The following SEBOX variants were observed in gnomAD, a reference collection of about 807,000 sequenced individuals.
SEBOX encodes the protein homeobox protein SEBOX.
A neutral mutation model predicts 7.8 loss-of-function variants in SEBOX; 10 were observed. The ratio of observed to expected loss-of-function variants is 1.28; its 90% CI spans 0.79 to 2.17. The LOEUF (loss-of-function observed/expected upper bound fraction) is 2.17, where lower values mean the gene tolerates loss of function less well. Ranked by LOEUF, SEBOX falls within the 30% of genes most tolerant of loss-of-function variation. The pLI, the probability that SEBOX is intolerant of heterozygous loss-of-function variation, is 0.00. For synonymous variants in SEBOX, 98 were observed against 91.5 expected, an observed-to-expected ratio of 1.07 and a Z score of -0.40; for missense variants, 240 against 239.5, an observed-to-expected ratio of 1.00 and a Z score of -0.01.
rs1037470487 is a variant in SEBOX at position 28,363,672 on chromosome 17, A to G, written c.*596T>C. 6.6e-6 allele frequency: 1 copy of G among 152,226 alleles called. No homozygotes were observed. The allele number at this position is 152,226 out of a possible 1,614,324, so 9.4% of individuals were successfully genotyped here. On this transcript the variant is annotated 3_prime_UTR_variant, in exon 3 of 3. Transcript: ENST00000536498. ...TCTGATCTTTGTGAAAATTAAATCA[A>G]CATAAGCCCCAGCTTCCTATCTTTG...
At position 28,364,461 on chromosome 17, in the gene SEBOX, T is replaced by C; in HGVS notation, c.380A>G (p.His127Arg). Residue 127 changes from histidine to arginine, a missense_variant, in exon 3 of 3, where the codon CAT becomes CGT. Coordinates refer to ENST00000536498, the MANE Select transcript of SEBOX (RefSeq NM_001080837.4). ...CAAGCCAGGAGCTGGACAGGAGCTA[T>C]GTCGACACACTGAGGTGCGCTGAGG... is the stretch of plus-strand genomic sequence containing the variant. ...GTPQRTSVCR[H>R]SSCPAPGLSP... 2 of 1,605,526 alleles carry C rather than the reference T, an allele frequency of 1.2e-6. No homozygotes were observed. The highest frequency in any genetic ancestry group is 1.1e-5 in the South Asian group (1 of 90,478).
chr17:28,364,680 C>T (rs1555582741), intron 2 of SEBOX, 32 bp from the exon 3 acceptor site: 5 of 1,566,510 alleles, frequency 3.2e-6, no homozygotes, highest in Non-Finnish European at 4.3e-6. Flanking sequence ...TCTGTTCTGG[C>T]CCCAGCATCC....
Position 28,365,062 on chromosome 17 carries a change from G to A in SEBOX, c.31+59C>T, listed in dbSNP as rs143654577. ...TCCCTACTCCCACCCCTCTCCAACC[G>A]TCCTCATCCTACCATGGCCTGCGTT... On this transcript the variant is annotated intron_variant, in intron 1 of 2. Coordinates refer to ENST00000536498, the MANE Select transcript of SEBOX (RefSeq NM_001080837.4). 3.9e-4 allele frequency: 617 copies of A among 1,578,802 alleles called. 2 individuals are homozygous for A. In the East Asian group the frequency reaches 0.01, roughly 26 times the overall value.
In SEBOX at chr17:28,364,255, T is replaced by G; in HGVS notation, c.*13A>C. On this transcript the variant is annotated 3_prime_UTR_variant, in exon 3 of 3. Coordinates refer to ENST00000536498, the MANE Select transcript of SEBOX (RefSeq NM_001080837.4). ...GGAGTCAGAGGAGGGGCCTTGCAAG[T>G]TCTGGACAAAGACTAGGAGTGGTCC... 1 of 1,594,582 alleles carries G rather than the reference T, an allele frequency of 6.3e-7. No homozygotes were observed.
rs782040148 is a variant in SEBOX at position 28,364,785 on chromosome 17, C to T, written c.192+10G>A. ...AGATGTTGGCTGTGTGAGAAGGGGT[C>T]ACAGCTCACCTGTACCTTGGCCTCA... On this transcript the variant is annotated intron_variant, in intron 2 of 2. Transcript: ENST00000536498. 1 of 1,613,628 alleles carries T rather than the reference C, an allele frequency of 6.2e-7. No homozygotes were observed. Among genetic ancestry groups the T allele is most frequent in the Non-Finnish European group, 8.5e-7 (1 of 1,179,732 alleles).
At position 28,364,470 on chromosome 17, in the gene SEBOX, A is replaced by G. The variant is rs200460971; in HGVS notation, c.371T>C (p.Val124Ala). 1.2e-6 allele frequency: 2 copies of G among 1,604,988 alleles called. No individual in the cohort carries two copies. Among genetic ancestry groups the G allele is most frequent in the African/African-American group, 2.7e-5 (2 of 74,742 alleles). The change falls in exon 3 of 3, where the codon GTG becomes GCG. Residue 124 changes from valine to alanine, a missense_variant. By Grantham distance (64) the Val-to-Ala change is moderately conservative. Transcript: ENST00000536498. ...PSSGTPQRTS[V>A]CRHSSCPAPG... ...AGCTGGACAGGAGCTATGTCGACACACTGAGGTGCGCTGAGGTGTGCCGCT... is the reference window on the plus strand; with the variant it reads ...AGCTGGACAGGAGCTATGTCGACACGCTGAGGTGCGCTGAGGTGTGCCGCT...
chr17:28,364,757 C>G (rs2067894439), intron 2 of SEBOX, 38 bp downstream of exon 2: 2 of 1,611,610 alleles, frequency 1.2e-6, no homozygotes, highest in African/African-American at 2.7e-5. Context: ...GTGGGCCAAG[C>G]CTAGATGTTG....
At position 28,364,350 on chromosome 17, in the gene SEBOX, C is replaced by T. The variant is rs367726402; in HGVS notation, c.491G>A (p.Arg164Gln). ...GCCTAGTGAAGTCTGGGGAGTAGCTCGCTCTAAAGAAGGGTGGACCTCTGA... is the reference window on the plus strand; with the variant it reads ...GCCTAGTGAAGTCTGGGGAGTAGCTTGCTCTAAAGAAGGGTGGACCTCTGA... Reference protein sequence around the residue: ...GASEVHPSLERATPQTSLGSL... With the variant: ...GASEVHPSLEQATPQTSLGSL... Residue 164 changes from arginine (R) to glutamine (Q), a missense_variant, in exon 3 of 3, where the codon CGA becomes CAA. By Grantham distance (43) the Arg-to-Gln change is conservative (BLOSUM62 1). Coordinates refer to ENST00000536498, the MANE Select transcript of SEBOX (RefSeq NM_001080837.4). The T allele has an allele frequency of 6.9e-6, 11 of 1,598,416 alleles. No homozygotes were observed. In the African/African-American group the frequency reaches 1.2e-4, roughly 17 times the overall value.
chr17:28,364,460 ATG>A lies in SEBOX; in HGVS notation c.379_380del (p.His127Ter). The A allele has an allele frequency of 6.2e-7, 1 of 1,605,190 alleles. No homozygotes were observed. Among genetic ancestry groups the A allele is most frequent in the Non-Finnish European group, 8.5e-7 (1 of 1,175,342 alleles). On this transcript the variant is annotated frameshift_variant, in exon 3 of 3. Transcript: ENST00000536498. LOFTEE classifies it low-confidence loss of function (END_TRUNC). Reference protein sequence around the residue: ...GTPQRTSVCRHSSCPAPGLSP... With the variant: ...GTPQRTSVCRXSSCPAPGLSP... Reference sequence around the variant, plus strand: ...TCAAGCCAGGAGCTGGACAGGAGCTATGTCGACACACTGAGGTGCGCTGAGGT... The same window carrying A: ...TCAAGCCAGGAGCTGGACAGGAGCTATCGACACACTGAGGTGCGCTGAGGT...
Position 28,365,133 on chromosome 17 carries a change from C to G in SEBOX, c.19G>C (p.Ala7Pro). The change falls in exon 1 of 3, where the codon GCA (alanine) becomes CCA (proline). Residue 7 changes from alanine (A) to proline (P), a missense_variant. By Grantham distance (27) the Ala-to-Pro change is conservative. Coordinates refer to ENST00000536498, the MANE Select transcript of SEBOX (RefSeq NM_001080837.4). ...CCCATCAGATCACCTGCTGAGGATG[C>G]ATCCACAGGGCTGGGCATGGAGCTG... Reference protein sequence around the residue: MPSPVDASSADGGSGLG... With the variant: MPSPVDPSSADGGSGLG... The G allele has an allele frequency of 6.2e-7, 1 of 1,609,394 alleles. No individual in the cohort carries two copies. The highest frequency in any genetic ancestry group is 1.1e-5 in the South Asian group (1 of 90,050).
Position 28,364,778 on chromosome 17 carries a change from A to C in SEBOX, c.192+17T>G. 4 of 1,613,404 alleles carry C rather than the reference A, an allele frequency of 2.5e-6. No individual in the cohort carries two copies. Among genetic ancestry groups the C allele is most frequent in the Non-Finnish European group, 3.4e-6 (4 of 1,179,596 alleles). ...CAAGCCTAGATGTTGGCTGTGTGAG[A>C]AGGGGTCACAGCTCACCTGTACCTT... On this transcript the variant is annotated intron_variant, in intron 2 of 2. Transcript: ENST00000536498.
intron 1 of SEBOX, 82 bp from the exon 2 acceptor site, chr17:28,365,037 T>C: frequency 6.4e-7 from 1 of 1,573,684 alleles, no homozygotes; most frequent in Non-Finnish European, 8.6e-7. Flanking sequence ...AACCCCGAAG[T>C]CCCTACTCCC....
At chr17:28,364,992 G>T (rs782131829) in intron 1 of SEBOX, 37 bp from the exon 2 acceptor site, 1 of 1,593,598 alleles carries the variant, frequency 6.3e-7, no homozygotes, top group Non-Finnish European at 8.5e-7. Flanking sequence ...GGGACTCCCT[G>T]CAAGAGCCTC....
rs782522084 is a variant in SEBOX, at chr17:28,364,359, G to C, written c.482C>G (p.Ser161Cys). 5.0e-5 allele frequency: 80 copies of C among 1,596,780 alleles called. No individual in the cohort carries two copies. The highest frequency in any genetic ancestry group is 1.9e-4 in the South Asian group (17 of 88,732). ...AGTCTGGGGAGTAGCTCGCTCTAAA[G>C]AAGGGTGGACCTCTGAAGCCCCAGC... Reference protein sequence around the residue: ...GSAGASEVHPSLERATPQTSL... With the variant: ...GSAGASEVHPCLERATPQTSL... The change falls in exon 3 of 3, where the codon TCT becomes TGT. Residue 161 changes from serine to cysteine, a missense_variant. Ser to Cys is a moderately radical substitution (Grantham distance 112, BLOSUM62 -1). Transcript: ENST00000536498.
In SEBOX at chr17:28,363,521, T is replaced by C. The variant is rs551577726; in HGVS notation, c.*747A>G. On this transcript the variant is annotated 3_prime_UTR_variant, in exon 3 of 3. Transcript: ENST00000536498. The stretch of plus-strand genomic sequence containing the variant: ...ACAATCCAGATTAAGGTACAGAGTT[T>C]GGGTTTTATTTGGAGATTAGTTGGT... 5 of 152,328 alleles carry C rather than the reference T, an allele frequency of 3.3e-5. No homozygotes were observed. The highest frequency in any genetic ancestry group is 6.5e-5 in the Admixed American group (1 of 15,300). 9.4% of individuals were successfully genotyped at this position (152,328 alleles called of 1,614,324 possible).
rs559180553 is a variant in SEBOX, at chr17:28,364,145, C to T, written c.*123G>A. On this transcript the variant is annotated 3_prime_UTR_variant, in exon 3 of 3. Coordinates refer to ENST00000536498, the MANE Select transcript of SEBOX (RefSeq NM_001080837.4). The stretch of plus-strand genomic sequence containing the variant: ...GGATGCCTGAGCTAAACTCCTTTCC[C>T]GTAGGGAATCCCTTTGCATAAAAAG... 6.1e-5 allele frequency: 61 copies of T among 995,948 alleles called. No individual in the cohort carries two copies. Among genetic ancestry groups the T allele is most frequent in the Non-Finnish European group, 8.3e-5 (58 of 695,198 alleles). The allele number at this position is 995,948 out of a possible 1,614,324, so 61.7% of individuals were successfully genotyped here.
chr17:28,364,458 CT>C lies in SEBOX; in HGVS notation c.382del (p.Ser128AlafsTer8). 1 of 1,603,972 alleles carries C rather than the reference CT, an allele frequency of 6.2e-7. No individual in the cohort carries two copies. The highest frequency in any genetic ancestry group is 8.5e-7 in the Non-Finnish European group (1 of 1,174,778). ...TPQRTSVCRH[S>X]SCPAPGLSPR... ...ACTCAAGCCAGGAGCTGGACAGGAG[CT>C]ATGTCGACACACTGAGGTGCGCTGA... On this transcript the variant is annotated frameshift_variant, in exon 3 of 3. Coordinates refer to ENST00000536498, the MANE Select transcript of SEBOX (RefSeq NM_001080837.4). LOFTEE classifies it low-confidence loss of function (END_TRUNC).
chr17:28,364,478 G>A lies in SEBOX; in HGVS notation c.363C>T (p.Arg121=). Residue 121 remains arginine, a synonymous_variant, in exon 3 of 3, where the codon CGC becomes CGT. Coordinates refer to ENST00000536498, the MANE Select transcript of SEBOX (RefSeq NM_001080837.4). The stretch of plus-strand genomic sequence containing the variant: ...AGGAGCTATGTCGACACACTGAGGT[G>A]CGCTGAGGTGTGCCGCTGGAGGGTG... The part of the protein sequence containing the change: ...QPPPSSGTPQ[R]TSVCRHSSCP... 1.2e-6 allele frequency: 2 copies of A among 1,605,256 alleles called. No individual in the cohort carries two copies. The highest frequency in any genetic ancestry group is 2.2e-5 in the East Asian group (1 of 44,740).
rs375050385 is a variant in SEBOX at position 28,364,274 on chromosome 17, G to A, written c.567C>T (p.His189=). The A allele has an allele frequency of 3.1e-6, 5 of 1,606,916 alleles. No homozygotes were observed. Among genetic ancestry groups the A allele is most frequent in the Admixed American group, 1.7e-5 (1 of 59,170 alleles). The change falls in exon 3 of 3, where the codon CAC becomes CAT. Residue 189 remains histidine, a synonymous_variant. Coordinates refer to ENST00000536498, the MANE Select transcript of SEBOX (RefSeq NM_001080837.4). The stretch of plus-strand genomic sequence containing the variant: ...TGCAAGTTCTGGACAAAGACTAGGA[G>A]TGGTCCACATTGACGACAATGGCCA... The part of the protein sequence containing the change: ...YALAIVVNVD[H]S
Sources: gnomAD v4.1 joint callset for allele counts on GRCh38, gnomAD v4.1.1 for gene constraint, MANE v1.5 for transcripts, NCBI Gene and HGNC (gene_info 2026-07-23, HGNC 2026-07-21) for gene names.